The following TENM2 variants were observed in gnomAD, a reference collection of about 807,000 sequenced individuals.
TENM2 encodes the protein teneurin-2.
A neutral mutation model predicts 245.2 loss-of-function variants in TENM2; 52 were observed. The ratio of observed to expected loss-of-function variants is 0.21; its 90% confidence interval spans 0.17 to 0.27. The LOEUF (loss-of-function observed/expected upper bound fraction) is 0.27, where lower values mean the gene tolerates loss of function less well. TENM2 is among the 10% of genes least tolerant of loss of function. The pLI, the probability that TENM2 is intolerant of heterozygous loss-of-function variation, is 1.00. For synonymous variants in TENM2, 1,363 were observed against 1,438.9 expected, an observed-to-expected ratio of 0.95 and a Z score of 1.19; for missense variants, 3,046 against 3,666.8, an observed-to-expected ratio of 0.83 and a Z score of 4.37.
chr5:168,223,345 G>C (rs1237629319), intron 23 of TENM2, among the ~76,000 whole-genome samples: 1 of 152,086 alleles, frequency 6.6e-6, no homozygotes, highest in Non-Finnish European at 1.5e-5. Context: ...AGGAGAAACT[G>C]TCTGTTACTG....
At chr5:167,146,185 A>C in the TENM2 span, among the ~76,000 whole-genome samples, 1 of 152,256 alleles carries the variant, frequency 6.6e-6, no homozygotes, top group South Asian at 2.1e-4. Context: ...GGAGCTGACA[A>C]TATGGGCTAA....
At chr5:167,903,228 A>G (rs1427356452) in intron 3 of TENM2, among the ~76,000 whole-genome samples, 1 of 152,204 alleles carries the variant, frequency 6.6e-6, no homozygotes, top group East Asian at 1.9e-4. Flanking sequence ...TAATAATTGT[A>G]CACCTACCCC....
intron 2 of TENM2, among the ~76,000 whole-genome samples, chr5:167,799,416 C>T (rs572995887): frequency 6.6e-6 from 1 of 152,230 alleles, no homozygotes; most frequent in South Asian, 2.1e-4. Flanking sequence ...TTGGCCTTTG[C>T]TTTCTATTTA....
rs139858136 is a variant in TENM2 at position 167,582,350 on chromosome 5, A to C, written c.502+206877A>C. 3.9e-5 allele frequency among the ~76,000 whole-genome samples: 6 copies of C among 152,258 alleles called. No homozygotes were observed. The East Asian group carries it at 1.2e-3, about 29-fold the overall frequency. ...AAATGAAATAGGCTTATGTGACAAA[A>C]ATCATTTTATTCTTGATCTATATGG... On this transcript the variant is annotated intron_variant, in intron 2 of 28. Transcript: ENST00000518659.
intron 12 of TENM2, among the ~76,000 whole-genome samples, chr5:168,137,314 A>G (rs751592963): frequency 6.6e-6 from 1 of 152,232 alleles, no homozygotes; most frequent in African/African-American, 2.4e-5. Context: ...AGAAGCTCTG[A>G]TAAGTGTGAA....
chr5:167,463,733 C>T lies in TENM2; in HGVS notation c.502+88260C>T, dbSNP rs12519893. On this transcript the variant is annotated intron_variant, in intron 2 of 28. Coordinates refer to ENST00000518659, the Ensembl canonical transcript of TENM2. Reference sequence around the variant, plus strand: ...CTTGTCTTGAACTCCTGGCCTCAGGCGATCTGCCTGCTTCGGCCCCCCAGA... The same window carrying T: ...CTTGTCTTGAACTCCTGGCCTCAGGTGATCTGCCTGCTTCGGCCCCCCAGA... 8.6e-3 allele frequency among the ~76,000 whole-genome samples: 1,307 copies of T among 151,956 alleles called. 9 individuals carry two copies. Among genetic ancestry groups the T allele is most frequent in the Non-Finnish European group, 0.014 (956 of 67,896 alleles).
At chr5:167,748,368 A>T (rs1018297072) in intron 2 of TENM2, among the ~76,000 whole-genome samples, 9 of 97,826 alleles carry the variant, frequency 9.2e-5, no homozygotes, top group African/African-American at 3.5e-4. Flanking sequence ...TAAAATAAGA[A>T]TGATTTTTTT....
At chr5:168,190,449 G>A (rs763280815) in exon 14 of TENM2, 26 of 1,613,968 alleles carry the variant, frequency 1.6e-5, no homozygotes, top group Middle Eastern at 1.6e-4. Flanking sequence ...AGGGCCAGAC[G>A]GATTGGCCCG....
the TENM2 span, among the ~76,000 whole-genome samples, chr5:167,096,691 C>G: frequency 2.0e-5 from 3 of 152,114 alleles, no homozygotes; most frequent in Non-Finnish European, 4.4e-5. Flanking sequence ...AGTTGTTCCT[C>G]TATTGAGTTT....
intron 2 of TENM2, among the ~76,000 whole-genome samples, chr5:167,512,609 G>T (rs1474535113): frequency 6.6e-6 from 1 of 152,104 alleles, no homozygotes; most frequent in African/African-American, 2.4e-5. Context: ...TTTCTTTACT[G>T]ATGTTTCTTT....
intron 2 of TENM2, among the ~76,000 whole-genome samples, chr5:167,740,638 C>T (rs1373607748): frequency 2.0e-5 from 3 of 152,140 alleles, no homozygotes; most frequent in Admixed American, 2.0e-4. Flanking sequence ...TGTGCAAACA[C>T]AAATGGGGTA....
At chr5:167,444,406 C>T (rs1304961512) in intron 2 of TENM2, among the ~76,000 whole-genome samples, 2 of 152,004 alleles carry the variant, frequency 1.3e-5, no homozygotes, top group Admixed American at 6.6e-5. Flanking sequence ...AAAATTCAGA[C>T]ATTTGGGGAC....
chr5:167,109,517 A>G, the TENM2 span, among the ~76,000 whole-genome samples: 3 of 152,204 alleles, frequency 2.0e-5, no homozygotes, highest in Non-Finnish European at 4.4e-5. Context: ...CAAATGCTAT[A>G]AACCCTTTAA....
chr5:167,258,668 C>T, the TENM2 span, among the ~76,000 whole-genome samples: 1 of 152,054 alleles, frequency 6.6e-6, no homozygotes, highest in Admixed American at 6.6e-5. Context: ...AAAACCTGGG[C>T]CACTTTGCTT....
At chr5:167,836,728 G>T (rs917070226) in intron 2 of TENM2, among the ~76,000 whole-genome samples, 2 of 151,776 alleles carry the variant, frequency 1.3e-5, no homozygotes, top group African/African-American at 4.8e-5. Context: ...CAGAGAGGGG[G>T]GCAGAATTAA....
At chr5:167,003,933 T>C in the TENM2 span, among the ~76,000 whole-genome samples, 1 of 152,184 alleles carries the variant, frequency 6.6e-6, no homozygotes, top group African/African-American at 2.4e-5. Flanking sequence ...TATAGGCTTT[T>C]GGATTCTCTG....
intron 2 of TENM2, among the ~76,000 whole-genome samples, chr5:167,649,349 G>T (rs554411198): frequency 6.6e-6 from 1 of 152,282 alleles, no homozygotes; most frequent in South Asian, 2.1e-4. Context: ...TGATGGGCAG[G>T]TGGTGCTGGA....
the TENM2 span, among the ~76,000 whole-genome samples, chr5:167,035,990 GC>G: frequency 6.6e-6 from 1 of 152,148 alleles, no homozygotes; most frequent in Non-Finnish European, 1.5e-5. Flanking sequence ...TGATCCACCT[GC>G]CTCTGCCTCC....
At chr5:167,565,148 A>C (rs1423118469) in intron 2 of TENM2, among the ~76,000 whole-genome samples, 1 of 152,240 alleles carries the variant, frequency 6.6e-6, no homozygotes, top group Non-Finnish European at 1.5e-5. Flanking sequence ...TTACAGGATG[A>C]CCTTATTTTT....
Sources: allele counts gnomAD v4.1 joint callset (sites outside exome capture counted in the v4.1 genomes callset), GRCh38; gene constraint gnomAD v4.1.1; transcripts MANE v1.5; gene names NCBI Gene and HGNC (gene_info 2026-07-23, HGNC 2026-07-21).